FAM135B: variants seen among roughly 807,000 people sequenced by gnomAD.
The protein encoded by FAM135B is protein FAM135B.
Under a neutral mutation model 127.7 loss-of-function variants are expected in FAM135B, and 43 were observed. The ratio of observed to expected loss-of-function variants is 0.34; its 90% CI spans 0.26 to 0.43. FAM135B has a LOEUF of 0.43. Ranked by LOEUF, FAM135B falls within the 20% of genes least tolerant of loss-of-function variation. The pLI, the probability that FAM135B is intolerant of heterozygous loss-of-function variation, is 1.00. For synonymous variants in FAM135B, 670 were observed against 665.1 expected, an observed-to-expected ratio of 1.01 and a Z score of -0.11; for missense variants, 1,558 against 1,725.6, an observed-to-expected ratio of 0.90 and a Z score of 1.72.
chr8:138,365,057 G>A (rs1830658028), intron 2 of FAM135B, among the ~76,000 whole-genome samples: 1 of 152,094 alleles, frequency 6.6e-6, no homozygotes. Flanking sequence ...ATGTTGGCCA[G>A]GCTCGTCTCA....
intron 7 of FAM135B, among the ~76,000 whole-genome samples, chr8:138,226,720 C>T (rs183145966): frequency 8.7e-4 from 132 of 152,252 alleles, no homozygotes; most frequent in Admixed American, 2.4e-3. Flanking sequence ...CACCACCATG[C>T]CCAGCTAATT....
intron 9 of FAM135B, among the ~76,000 whole-genome samples, chr8:138,186,773 G>C (rs557174086): frequency 6.6e-6 from 1 of 152,296 alleles, no homozygotes; most frequent in African/African-American, 2.4e-5. Flanking sequence ...GCAATTAGTT[G>C]ACCTCTCATA....
intron 1 of FAM135B, among the ~76,000 whole-genome samples, chr8:138,387,200 T>TA (rs1212957091): frequency 6.6e-6 from 1 of 152,144 alleles, no homozygotes; most frequent in East Asian, 1.9e-4. Context: ...AGCCAAGTAC[T>TA]ATGGAGTTGG....
chr8:138,405,913 G>A (rs1264829819), intron 1 of FAM135B, among the ~76,000 whole-genome samples: 1 of 151,954 alleles, frequency 6.6e-6, no homozygotes, highest in Non-Finnish European at 1.5e-5. Flanking sequence ...ATTCTAACTG[G>A]TGTGAGATGG....
chr8:138,289,644 A>C (rs1824953243), intron 3 of FAM135B, among the ~76,000 whole-genome samples: 1 of 152,010 alleles, frequency 6.6e-6, no homozygotes, highest in South Asian at 2.1e-4. Flanking sequence ...CTCTTTATAG[A>C]CCTACTTTTG....
chr8:138,217,555 C>A (rs1030921774), intron 7 of FAM135B, among the ~76,000 whole-genome samples: 2 of 151,610 alleles, frequency 1.3e-5, no homozygotes, highest in African/African-American at 2.4e-5. Context: ...CTCAGCCTCC[C>A]GAGTAGCTGG....
At chr8:138,257,418 C>A (rs990132115) in intron 4 of FAM135B, among the ~76,000 whole-genome samples, 2 of 151,262 alleles carry the variant, frequency 1.3e-5, no homozygotes, top group Admixed American at 1.3e-4. Flanking sequence ...AAAAAAAAAA[C>A]ATGCTTTTTA....
intron 9 of FAM135B, among the ~76,000 whole-genome samples, chr8:138,188,514 G>C (rs1815791307): frequency 6.6e-6 from 1 of 152,198 alleles, no homozygotes; most frequent in African/African-American, 2.4e-5. Context: ...CAAAGTGTCT[G>C]TGGATACAGA....
Position 138,339,358 on chromosome 8 carries a change from A to AATATATAT in FAM135B, c.78-28446_78-28439dup, listed in dbSNP as rs143774221. ...TGCATCCTGTTTAAAAAACTAACTAAATATATATATATATATATATATATA... is the reference window on the plus strand; with the variant it reads ...TGCATCCTGTTTAAAAAACTAACTAAATATATATATATATATATATATATATATATATA... On this transcript the variant is annotated intron_variant, in intron 2 of 19. Transcript: ENST00000395297. Among the ~76,000 whole-genome samples, 297 of 147,752 alleles carry AATATATAT rather than the reference A, an allele frequency of 2.0e-3. 1 individual carries two copies. The highest frequency in any genetic ancestry group is 7.0e-3 in the Middle Eastern group (2 of 286).
intron 2 of FAM135B, among the ~76,000 whole-genome samples, chr8:138,351,388 G>A (rs1829773867): frequency 6.6e-6 from 1 of 152,184 alleles, no homozygotes; most frequent in Non-Finnish European, 1.5e-5. Flanking sequence ...ATCCTGTGAA[G>A]AGACAGGTAG....
At chr8:138,286,368 G>A (rs1349694873) in intron 3 of FAM135B, among the ~76,000 whole-genome samples, 1 of 152,192 alleles carries the variant, frequency 6.6e-6, no homozygotes, top group Non-Finnish European at 1.5e-5. Context: ...AAAGCATTTT[G>A]GAAAGAAGAC....
chr8:138,446,686 TA>T (rs1453635278), intron 1 of FAM135B, among the ~76,000 whole-genome samples: 5 of 151,940 alleles, frequency 3.3e-5, no homozygotes, highest in Non-Finnish European at 7.4e-5. Context: ...ATGTTAGACC[TA>T]AAACCATAAA....
At position 138,373,883 on chromosome 8, in the gene FAM135B, T is replaced by C. The variant is rs1283482917; in HGVS notation, c.-19-5881A>G. Among the ~76,000 whole-genome samples the C allele has an allele frequency of 2.0e-5, 3 of 152,164 alleles. No individual in the cohort carries two copies. In the East Asian group the frequency reaches 5.8e-4, roughly 29 times the overall value. On this transcript the variant is annotated intron_variant, in intron 1 of 19. Coordinates refer to ENST00000395297, the MANE Select transcript of FAM135B (RefSeq NM_015912.4). ...GGTCAGACCGGTTGCTCTCAAACCC[T>C]GTCTCCTGATAAGATGTTATCAAAT...
At chr8:138,394,563 C>G (rs1376927961) in intron 1 of FAM135B, among the ~76,000 whole-genome samples, 1 of 152,204 alleles carries the variant, frequency 6.6e-6, no homozygotes, top group Non-Finnish European at 1.5e-5. Flanking sequence ...TCGAAGAGCG[C>G]TTTAGACCAG....
intron 1 of FAM135B, among the ~76,000 whole-genome samples, chr8:138,421,155 CA>C (rs371833890): frequency 1.3e-5 from 2 of 151,568 alleles, no homozygotes; most frequent in African/African-American, 2.4e-5. Flanking sequence ...AGTAAAAATA[CA>C]AAAAAAATTA....
At chr8:138,469,667 C>T (rs1057420204) in intron 1 of FAM135B, among the ~76,000 whole-genome samples, 7 of 152,192 alleles carry the variant, frequency 4.6e-5, no homozygotes. Context: ...TGTCTTGAGG[C>T]AGGTGGCATA....
chr8:138,333,907 C>T (rs1013718981), intron 2 of FAM135B, among the ~76,000 whole-genome samples: 5 of 152,072 alleles, frequency 3.3e-5, no homozygotes, highest in African/African-American at 1.2e-4. Flanking sequence ...CTGATCCTGA[C>T]CTCCATGTCT....
chr8:138,442,003 G>C (rs180817053), intron 1 of FAM135B, among the ~76,000 whole-genome samples: 1 of 151,770 alleles, frequency 6.6e-6, no homozygotes, highest in Non-Finnish European at 1.5e-5. Context: ...ATGCAGATTG[G>C]TGTTAGTTGA....
At chr8:138,413,996 T>C (rs933890809) in intron 1 of FAM135B, among the ~76,000 whole-genome samples, 3 of 151,940 alleles carry the variant, frequency 2.0e-5, no homozygotes, top group African/African-American at 7.3e-5. Flanking sequence ...AGTGAGAGCA[T>C]GAAGTGTCCA....
Sources: gnomAD v4.1 joint callset for allele counts (sites outside exome capture counted in the v4.1 genomes callset) on GRCh38, gnomAD v4.1.1 for gene constraint, MANE v1.5 for transcripts, NCBI Gene and HGNC (gene_info 2026-07-23, HGNC 2026-07-21) for gene names.